Variants in BCAS1 observed in about 807,000 individuals in gnomAD.
BCAS1 encodes the protein breast carcinoma-amplified sequence 1.
BCAS1 carries 46 observed loss-of-function variants against 65.4 expected under a neutral mutation model. That is an observed-to-expected ratio of 0.70 (90% CI 0.55 to 0.90). BCAS1 has a LOEUF of 0.90. BCAS1 is among the 40% of genes least tolerant of loss of function. The probability of loss-of-function intolerance (pLI) is 0.00; values close to 1 mark genes in which losing one functional copy is unlikely to be tolerated. For synonymous variants in BCAS1, 298 were observed against 293.5 expected (o/e 1.02, Z -0.16); for missense variants, 793 against 771.2 (o/e 1.03, Z -0.33).
intron 3 of BCAS1, among the ~76,000 whole-genome samples, chr20:54,031,473 GCTTCT>G (rs1207863037): frequency 4.6e-5 from 7 of 151,224 alleles, no homozygotes; most frequent in Non-Finnish European, 1.0e-4. Context: ...ATCACCTGGG[GCTTCT>G]ATTTCCTTTG....
At chr20:54,039,863 A>G (rs1390251910) in intron 3 of BCAS1, among the ~76,000 whole-genome samples, 1 of 151,424 alleles carries the variant, frequency 6.6e-6, no homozygotes, top group Admixed American at 6.6e-5. Context: ...ACAAACACGT[A>G]TAAGCATCCC....
intron 3 of BCAS1, among the ~76,000 whole-genome samples, chr20:54,035,989 T>A (rs1160119373): frequency 6.6e-6 from 1 of 151,152 alleles, no homozygotes; most frequent in Non-Finnish European, 1.5e-5. Context: ...CACTTATAAA[T>A]GGGAGCTAAA....
rs1342327038 is a variant in BCAS1, at chr20:54,043,365, AT to A, written c.143-14394del. Among the ~76,000 whole-genome samples, 3 of 151,920 alleles carry A rather than the reference AT, an allele frequency of 2.0e-5. No homozygotes were observed. In the East Asian group the frequency reaches 5.8e-4, roughly 29 times the overall value. ...TTTTTATAGCCATCTTTTTAGAGGG[AT>A]TTGAGGTAGGGAAAAAAATAAACCT... On this transcript the variant is annotated intron_variant, in intron 3 of 12. Coordinates refer to ENST00000688948, the MANE Select transcript of BCAS1 (RefSeq NM_001366298.2).
chr20:54,041,014 C>A lies in BCAS1; in HGVS notation c.143-12042G>T, dbSNP rs559077158. On this transcript the variant is annotated intron_variant, in intron 3 of 12. Coordinates refer to ENST00000688948, the MANE Select transcript of BCAS1 (RefSeq NM_001366298.2). Reference sequence around the variant, plus strand: ...TCAGCCATAAGAAGAAACAAAGCACCGATCCATGTTATATCATGCTTTATA... The same window carrying A: ...TCAGCCATAAGAAGAAACAAAGCACAGATCCATGTTATATCATGCTTTATA... 2.6e-5 allele frequency among the ~76,000 whole-genome samples: 4 copies of A among 151,158 alleles called. 1 individual carries two copies. The highest frequency in any genetic ancestry group is 3.0e-5 in the Non-Finnish European group (2 of 67,574).
chr20:53,969,463 G>GA, intron 9 of BCAS1, among the ~76,000 whole-genome samples: 2 of 152,148 alleles, frequency 1.3e-5, no homozygotes, highest in Middle Eastern at 6.8e-3. Flanking sequence ...GACAGCTTAG[G>GA]AAATATAACA....
chr20:54,028,273 G>T, intron 4 of BCAS1, 119 bp downstream of exon 4: 1 of 935,042 alleles, frequency 1.1e-6, no homozygotes, highest in Non-Finnish European at 1.7e-6. Context: ...GTTCTAGAGG[G>T]GTCAACAGCT....
intron 3 of BCAS1, among the ~76,000 whole-genome samples, chr20:54,040,165 T>C (rs1246639012): frequency 6.6e-6 from 1 of 151,466 alleles, no homozygotes; most frequent in Non-Finnish European, 1.5e-5. Context: ...ACTGGTGCTA[T>C]ATTTCTATAG....
intron 8 of BCAS1, among the ~76,000 whole-genome samples, chr20:53,977,792 C>T (rs1345298183): frequency 6.6e-6 from 1 of 152,202 alleles, no homozygotes; most frequent in Non-Finnish European, 1.5e-5. Context: ...TAAAGTCAGA[C>T]TACTTAGCAA....
chr20:53,961,221 A>G (rs1270524256), intron 10 of BCAS1, among the ~76,000 whole-genome samples: 2 of 152,240 alleles, frequency 1.3e-5, no homozygotes, highest in Non-Finnish European at 2.9e-5. Context: ...GTCAGTTCAC[A>G]TTTCTTTGAA....
At position 54,021,723 on chromosome 20, in the gene BCAS1, C is replaced by T. The variant is rs1333804438; in HGVS notation, c.723+6669G>A. On this transcript the variant is annotated intron_variant, in intron 4 of 12. Coordinates refer to ENST00000688948, the MANE Select transcript of BCAS1 (RefSeq NM_001366298.2). ...GGAAGGGGAACAACACACACTGGGG[C>T]CTGTCGGGGGTTGGGGGAGGGAGAG... 8.6e-5 allele frequency among the ~76,000 whole-genome samples: 13 copies of T among 151,988 alleles called. No individual in the cohort carries two copies. The East Asian group carries it at 2.5e-3, about 29-fold the overall frequency.
intron 3 of BCAS1, among the ~76,000 whole-genome samples, chr20:54,053,017 C>T (rs1338265015): frequency 1.3e-5 from 2 of 152,198 alleles, no homozygotes; most frequent in African/African-American, 4.8e-5. Flanking sequence ...TAAACAATTG[C>T]ATTTTGGCAG....
At chr20:54,066,394 C>T (rs967575799) in intron 1 of BCAS1, among the ~76,000 whole-genome samples, 2 of 152,198 alleles carry the variant, frequency 1.3e-5, no homozygotes, top group African/African-American at 4.8e-5. Flanking sequence ...TTTATTGTCC[C>T]CATTTTACAG....
intron 9 of BCAS1, among the ~76,000 whole-genome samples, chr20:53,969,656 T>C (rs2090129103): frequency 1.3e-5 from 2 of 152,274 alleles, no homozygotes; most frequent in South Asian, 4.2e-4. Flanking sequence ...CTCCACAATA[T>C]CTCTAACAAC....
rs2089515792 is a variant in BCAS1, at chr20:53,951,309, T to TAA, written c.1815+2121_1815+2122dup. 2.6e-5 allele frequency among the ~76,000 whole-genome samples: 4 copies of TAA among 152,104 alleles called. No homozygotes were observed. The South Asian group carries it at 6.2e-4, about 24-fold the overall frequency. ...GCAACATGGAGAAACCCGTCTCTAC[T>TAA]AAAAATACAAAATTAGCCAGGCGTG... On this transcript the variant is annotated intron_variant, in intron 12 of 12. Coordinates refer to ENST00000688948, the MANE Select transcript of BCAS1 (RefSeq NM_001366298.2).
chr20:54,064,082 G>A (rs1367045086), intron 1 of BCAS1, among the ~76,000 whole-genome samples: 2 of 152,168 alleles, frequency 1.3e-5, no homozygotes, highest in Non-Finnish European at 2.9e-5. Context: ...AGATGAGAAA[G>A]CCCCTTCACT....
rs532384806 is a variant in BCAS1 at position 53,944,850 on chromosome 20, T to G, written c.*72A>C. 1.6e-4 allele frequency: 213 copies of G among 1,359,194 alleles called. No individual in the cohort carries two copies. The highest frequency in any genetic ancestry group is 2.2e-4 in the Non-Finnish European group (207 of 948,110). The allele number at this position is 1,359,194 out of a possible 1,614,324, so 84.2% of individuals were successfully genotyped here. On this transcript the variant is annotated 3_prime_UTR_variant, in exon 13 of 13. Transcript: ENST00000688948. ...AGAAGAATATATACATGGAGCGTGT[T>G]TGGGGAGGAGATGGAGTAAGGAGAA...
intron 12 of BCAS1, among the ~76,000 whole-genome samples, chr20:53,945,569 C>A (rs2089287908): frequency 6.6e-6 from 1 of 152,026 alleles, no homozygotes; most frequent in African/African-American, 2.4e-5. Context: ...CCATCCCAAA[C>A]CCTATTTTAT....
intron 4 of BCAS1, among the ~76,000 whole-genome samples, chr20:54,021,927 C>A (rs918896767): frequency 1.3e-5 from 2 of 152,144 alleles, no homozygotes; most frequent in Non-Finnish European, 2.9e-5. Context: ...ACAACAAAAA[C>A]TTTATCTCTA....
intron 6 of BCAS1, among the ~76,000 whole-genome samples, chr20:53,993,922 C>T (rs1252425585): frequency 1.3e-5 from 2 of 152,176 alleles, no homozygotes; most frequent in Non-Finnish European, 2.9e-5. Context: ...GGGATCGCTA[C>T]ATTTAATCAG....
Sources: gnomAD v4.1 joint callset for allele counts (sites outside exome capture counted in the v4.1 genomes callset) on GRCh38, gnomAD v4.1.1 for gene constraint, MANE v1.5 for transcripts, NCBI Gene and HGNC (gene_info 2026-07-23, HGNC 2026-07-21) for gene names.